Variants in PCDH15 observed in about 807,000 individuals in gnomAD.
PCDH15 encodes protocadherin related 15.
A neutral mutation model predicts 178.5 loss-of-function variants in PCDH15; 129 were observed. The ratio of observed to expected loss-of-function variants is 0.72; its 90% CI spans 0.63 to 0.84. The LOEUF (loss-of-function observed/expected upper bound fraction) is 0.84. Among genes scored for constraint, PCDH15 ranks in the 40% least tolerant of loss-of-function variants. The pLI is 0.00. For synonymous variants in PCDH15, 800 were observed against 732.0 expected, an observed-to-expected ratio of 1.09 and a Z score of -1.50; for missense variants, 2,230 against 2,099.9, an observed-to-expected ratio of 1.06 and a Z score of -1.21.
chr10:53,806,598 A>G lies in PCDH15; in HGVS notation c.5204T>C (p.Ile1735Thr), dbSNP rs759182908. ...LWMGPWNNLH[I>T]PMTKL The stretch of plus-strand genomic sequence containing the variant: ...AATTGGTCACAGTTTTGTCATTGGT[A>G]TATGGAGGTTGTTCCAGGGGCCCAT... Residue 1735 changes from isoleucine (I) to threonine (T), a missense_variant, in exon 38 of 38, where the codon ATA becomes ACA. Ile to Thr is a moderately conservative substitution (Grantham distance 89). Coordinates refer to ENST00000644397, the MANE Select transcript of PCDH15 (RefSeq NM_001384140.1). 5 of 1,613,100 alleles carry G rather than the reference A, an allele frequency of 3.1e-6. No individual in the cohort carries two copies. The highest frequency in any genetic ancestry group is 4.2e-6 in the Non-Finnish European group (5 of 1,179,416).
At chr10:55,328,989 T>A (rs1345664698) in intron 2 of PCDH15, among the ~76,000 whole-genome samples, 1 of 138,150 alleles carries the variant, frequency 7.2e-6, no homozygotes, top group African/African-American at 2.7e-5. Context: ...CATTTGGAAA[T>A]ATATTCCATT....
chr10:54,886,333 A>C (rs754648828), intron 3 of PCDH15, among the ~76,000 whole-genome samples: 1 of 152,206 alleles, frequency 6.6e-6, no homozygotes, highest in African/African-American at 2.4e-5. Flanking sequence ...GAGATAAAAG[A>C]CTTTTTGGCA....
chr10:55,315,997 T>C (rs1843713498), intron 1 of PCDH15, among the ~76,000 whole-genome samples: 1 of 152,098 alleles, frequency 6.6e-6, no homozygotes, highest in Admixed American at 6.5e-5. Flanking sequence ...GCCTTGGCAA[T>C]AGAGCAAGGC....
In PCDH15 at chr10:54,020,295, T is replaced by G. The variant is rs2092875651; in HGVS notation, c.2648A>C (p.Glu883Ala). 4 of 1,613,754 alleles carry G rather than the reference T, an allele frequency of 2.5e-6. No homozygotes were observed. Among genetic ancestry groups the G allele is most frequent in the Non-Finnish European group, 3.4e-6 (4 of 1,179,776 alleles). ...ACTTGCTTCTTGGTCTGGAAATGCC[T>G]CATAATCTAAACTCCTTAAAAGCGA... Reference protein sequence around the residue: ...ELSLLRSLDYEAFPDQEASIT... With the variant: ...ELSLLRSLDYAAFPDQEASIT... Residue 883 changes from glutamate (E) to alanine (A), a missense_variant, in exon 20 of 38, where the codon GAG (glutamate) becomes GCG (alanine). Glu to Ala is a moderately radical substitution (Grantham distance 107, BLOSUM62 -1). Transcript: ENST00000644397.
intron 2 of PCDH15, among the ~76,000 whole-genome samples, chr10:54,572,510 T>C (rs1396127768): frequency 6.6e-6 from 1 of 152,158 alleles, no homozygotes; most frequent in Non-Finnish European, 1.5e-5. Context: ...AAAGAGAGGA[T>C]TGAAAGAATT....
intron 1 of PCDH15, among the ~76,000 whole-genome samples, chr10:55,305,912 A>G (rs1403193546): frequency 2.6e-5 from 4 of 152,218 alleles, no homozygotes; most frequent in Non-Finnish European, 5.9e-5. Flanking sequence ...ACAAAACATT[A>G]TTACTATTCT....
chr10:54,506,882 A>T (rs1172889343), intron 3 of PCDH15, among the ~76,000 whole-genome samples: 1 of 152,084 alleles, frequency 6.6e-6, no homozygotes, highest in Non-Finnish European at 1.5e-5. Flanking sequence ...TTTGGAAAAA[A>T]ACAAATATGT....
intron 1 of PCDH15, among the ~76,000 whole-genome samples, chr10:55,172,521 C>T (rs1450251167): frequency 3.3e-5 from 5 of 151,884 alleles, no homozygotes; most frequent in African/African-American, 9.7e-5. Flanking sequence ...TGAATGGCCA[C>T]TTCAGAGCAT....
intron 2 of PCDH15, among the ~76,000 whole-genome samples, chr10:55,158,949 GT>G (rs34587938): frequency 0.77 from 116,218 of 151,536 alleles, 48,009 homozygotes; most frequent in Non-Finnish European, 0.92. Flanking sequence ...GTGTTTTGCT[GT>G]TTGATGAAGC....
At chr10:54,063,472 C>A (rs1355343344) in intron 18 of PCDH15, among the ~76,000 whole-genome samples, 2 of 152,136 alleles carry the variant, frequency 1.3e-5, no homozygotes, top group Non-Finnish European at 2.9e-5. Flanking sequence ...TTGGTGTAGC[C>A]AAACTTGTCA....
At chr10:53,862,964 T>G (rs1047102469) in intron 27 of PCDH15, among the ~76,000 whole-genome samples, 1 of 152,122 alleles carries the variant, frequency 6.6e-6, no homozygotes, top group Admixed American at 6.5e-5. Context: ...GTCAAGAAAT[T>G]TTTTGCCTAA....
intron 2 of PCDH15, among the ~76,000 whole-genome samples, chr10:54,916,649 A>C (rs886992973): frequency 6.6e-6 from 1 of 152,188 alleles, no homozygotes; most frequent in Non-Finnish European, 1.5e-5. Flanking sequence ...CTAAGGAGCA[A>C]AAGCCATCAT....
chr10:54,371,019 C>A (rs1367324622), intron 4 of PCDH15, among the ~76,000 whole-genome samples: 1 of 151,818 alleles, frequency 6.6e-6, no homozygotes, highest in Non-Finnish European at 1.5e-5. Context: ...TCTATTTCTC[C>A]TTTAATCACT....
chr10:54,920,445 G>A (rs1184829593), intron 2 of PCDH15, among the ~76,000 whole-genome samples: 1 of 119,858 alleles, frequency 8.3e-6, no homozygotes. Flanking sequence ...CTCCAGCCTG[G>A]ACGACAGAGC....
upstream of PCDH15, among the ~76,000 whole-genome samples, chr10:54,805,025 T>C (rs867597406): frequency 2.1e-5 from 3 of 144,762 alleles, no homozygotes; most frequent in Admixed American, 1.4e-4. Context: ...ATTGACTTAC[T>C]CTGGCAAATG....
Position 54,183,515 on chromosome 10 carries a change from G to A in PCDH15, c.1519C>T (p.Pro507Ser). The change falls in exon 13 of 38, where the codon CCA (proline) becomes TCA (serine). Residue 507 changes from proline to serine, a missense_variant. Coordinates refer to ENST00000644397, the MANE Select transcript of PCDH15 (RefSeq NM_001384140.1). ...IQVMDANDNTPTFPEISYDVY... is the reference protein window; with the variant it reads ...IQVMDANDNTSTFPEISYDVY... Reference sequence around the variant, plus strand: ...TCATAGGATATTTCAGGGAAGGTTGGCGTGTTATCATTTGCATCCATCACT... The same window carrying A: ...TCATAGGATATTTCAGGGAAGGTTGACGTGTTATCATTTGCATCCATCACT... 6.8e-6 allele frequency: 11 copies of A among 1,613,712 alleles called. No individual in the cohort carries two copies. Among genetic ancestry groups the A allele is most frequent in the Non-Finnish European group, 9.3e-6 (11 of 1,179,710 alleles).
intron 3 of PCDH15, among the ~76,000 whole-genome samples, chr10:54,864,428 G>C (rs1564581712): frequency 6.6e-6 from 1 of 152,042 alleles, no homozygotes; most frequent in Admixed American, 6.6e-5. Flanking sequence ...TTTCAATAAA[G>C]CAAAATAAAA....
intron 1 of PCDH15, among the ~76,000 whole-genome samples, chr10:54,728,494 C>T (rs1942890207): frequency 6.6e-6 from 1 of 151,206 alleles, no homozygotes; most frequent in Non-Finnish European, 1.5e-5. Flanking sequence ...ACTGAATCGG[C>T]ACATGCTGGA....
intron 13 of PCDH15, among the ~76,000 whole-genome samples, chr10:54,170,958 G>GC (rs1239284061): frequency 6.6e-6 from 1 of 151,956 alleles, no homozygotes; most frequent in African/African-American, 2.4e-5. Flanking sequence ...TCGAGGATTT[G>GC]CCCCACCCAG....
Sources: gnomAD v4.1 joint callset for allele counts (sites outside exome capture counted in the v4.1 genomes callset) on GRCh38, gnomAD v4.1.1 for gene constraint, MANE v1.5 for transcripts, NCBI Gene and HGNC (gene_info 2026-07-23, HGNC 2026-07-21) for gene names.